KIDINS220: variants seen among roughly 807,000 people sequenced by gnomAD.
KIDINS220 encodes the protein kinase D-interacting substrate of 220 kDa.
KIDINS220 carries 63 observed loss-of-function variants against 157.6 expected under a neutral mutation model. The ratio of observed to expected loss-of-function variants is 0.40; its 90% CI spans 0.33 to 0.49. The LOEUF (loss-of-function observed/expected upper bound fraction) is 0.49, where lower values mean the gene tolerates loss of function less well. Among genes scored for constraint, KIDINS220 ranks in the 20% least tolerant of loss-of-function variants. KIDINS220 has a pLI of 0.66. For synonymous variants in KIDINS220, 732 were observed against 783.6 expected (o/e 0.93, Z 1.10); for missense variants, 1,772 against 2,171.2 (o/e 0.82, Z 3.65).
chr2:8,768,526 CCAG>C (rs1669765679), intron 22 of KIDINS220, among the ~76,000 whole-genome samples: 1 of 152,028 alleles, frequency 6.6e-6, no homozygotes, highest in Non-Finnish European at 1.5e-5. Context: ...CTGAATAAAG[CCAG>C]CAGATGTGTC....
intron 9 of KIDINS220, among the ~76,000 whole-genome samples, chr2:8,799,862 G>A (rs776849300): frequency 3.0e-4 from 45 of 152,156 alleles, no homozygotes; most frequent in Non-Finnish European, 5.4e-4. Context: ...TCACAACTGT[G>A]GGCAAGGCTT....
At position 8,731,272 on chromosome 2, in the gene KIDINS220, C is replaced by T. The variant is rs1480742100; in HGVS notation, c.4764G>A (p.Val1588=). The T allele has an allele frequency of 6.2e-7, 1 of 1,614,094 alleles. No homozygotes were observed. The highest frequency in any genetic ancestry group is 1.7e-5 in the Admixed American group (1 of 60,024). Residue 1588 remains valine (V), a synonymous_variant, in exon 30 of 30, where the codon GTG becomes GTA. Coordinates refer to ENST00000256707, the MANE Select transcript of KIDINS220 (RefSeq NM_020738.4). The surrounding 1 kb of genome is among the most constrained non-coding windows in gnomAD (Gnocchi z 5.2). ...GATTGGGAGAACTTTCACTGGATCTCACTCCTGAATCCGATGAATCCTTTT... is the reference window on the plus strand; with the variant it reads ...GATTGGGAGAACTTTCACTGGATCTTACTCCTGAATCCGATGAATCCTTTT... The part of the protein sequence containing the change: ...LDKKDSSDSG[V]RSSESSPNHS...
Position 8,728,963 on chromosome 2 carries a change from T to C in KIDINS220, c.*1757A>G, listed in dbSNP as rs779525881. ...ATTTTTTATTGTTTTCTAAATCTAT[T>C]TGTACACTTAATATGCTAGTATTAA... On this transcript the variant is annotated 3_prime_UTR_variant, in exon 30 of 30. Coordinates refer to ENST00000256707, the MANE Select transcript of KIDINS220 (RefSeq NM_020738.4). 1.4e-5 allele frequency: 14 copies of C among 979,082 alleles called. No homozygotes were observed. The highest frequency in any genetic ancestry group is 1.7e-5 in the Non-Finnish European group (14 of 823,684). The allele number at this position is 979,082 out of a possible 1,614,324, so 60.6% of individuals were successfully genotyped here.
intron 1 of KIDINS220, among the ~76,000 whole-genome samples, chr2:8,836,150 T>C (rs1448078216): frequency 1.3e-5 from 2 of 151,180 alleles, no homozygotes; most frequent in South Asian, 2.1e-4. Flanking sequence ...AGAAAACAGG[T>C]GGAAGATGAC....
In KIDINS220 at chr2:8,812,406, A is replaced by T. The variant is rs376274980; in HGVS notation, c.493T>A (p.Cys165Ser). Residue 165 changes from cysteine (C) to serine (S), a missense_variant, in exon 6 of 30, where the codon TGC (cysteine) becomes AGC (serine). Physicochemically the swap from Cys to Ser is moderately radical, Grantham distance 112. This residue lies in a region of KIDINS220 where 254 missense variants were observed against 268.6 expected (regional missense o/e 0.95). Transcript: ENST00000256707. The part of the protein sequence containing the change: ...LLLQNGAKVN[C>S]SDKYGTTPLV... Reference sequence around the variant, plus strand: ...TGCTGCTGACCTACCTTATCAGAGCAGTTGACTTTAGCACCATTTTGCAGT... The same window carrying T: ...TGCTGCTGACCTACCTTATCAGAGCTGTTGACTTTAGCACCATTTTGCAGT... 23 of 1,593,006 alleles carry T rather than the reference A, an allele frequency of 1.4e-5. No homozygotes were observed. The highest frequency in any genetic ancestry group is 2.0e-5 in the Non-Finnish European group (23 of 1,168,044).
chr2:8,758,986 C>T (rs964209341), intron 22 of KIDINS220, among the ~76,000 whole-genome samples: 3 of 152,152 alleles, frequency 2.0e-5, no homozygotes, highest in Non-Finnish European at 4.4e-5. Flanking sequence ...CATCTATGCT[C>T]GTGTGGTGGT....
chr2:8,754,177 G>A (rs1455824487), intron 22 of KIDINS220, among the ~76,000 whole-genome samples: 1 of 152,140 alleles, frequency 6.6e-6, no homozygotes. Context: ...CAAATTAACT[G>A]CATTTTAATG....
At chr2:8,815,266 T>C (rs560005535) in intron 4 of KIDINS220, among the ~76,000 whole-genome samples, 2 of 148,394 alleles carry the variant, frequency 1.3e-5, no homozygotes, top group South Asian at 4.2e-4. Flanking sequence ...CCAGCCACGG[T>C]GGTGTGTGTC....
At chr2:8,798,727 T>C (rs1674299105) in intron 9 of KIDINS220, among the ~76,000 whole-genome samples, 1 of 152,200 alleles carries the variant, frequency 6.6e-6, no homozygotes. Flanking sequence ...TAAGGCATTA[T>C]CATTTTTAGC....
intron 27 of KIDINS220, among the ~76,000 whole-genome samples, chr2:8,736,598 T>C (rs527487232): frequency 6.6e-6 from 1 of 152,354 alleles, no homozygotes; most frequent in East Asian, 1.9e-4. Context: ...TTTCTCTTTC[T>C]CATCAAGGCA....
intron 27 of KIDINS220, among the ~76,000 whole-genome samples, chr2:8,735,185 C>T (rs1017120602): frequency 3.9e-5 from 6 of 152,132 alleles, no homozygotes; most frequent in Non-Finnish European, 7.3e-5. Flanking sequence ...CTTGTTTATC[C>T]GTTATATTAG....
chr2:8,788,398 A>T (rs1261920300), intron 15 of KIDINS220, among the ~76,000 whole-genome samples: 5 of 151,812 alleles, frequency 3.3e-5, no homozygotes, highest in African/African-American at 1.2e-4. Context: ...CCTTCCAAGT[A>T]GCTAGGACTA....
intron 7 of KIDINS220, 44 bp from the exon 8 acceptor site, chr2:8,803,171 G>A (rs770500193): frequency 1.2e-5 from 17 of 1,409,888 alleles, no homozygotes; most frequent in Non-Finnish European, 1.6e-5. Context: ...GCAAGCCCAA[G>A]AAATTAATGT....
intron 18 of KIDINS220, among the ~76,000 whole-genome samples, 159 bp from the exon 19 acceptor site, chr2:8,779,298 A>G (rs1671384009): frequency 6.6e-6 from 1 of 152,258 alleles, no homozygotes; most frequent in African/African-American, 2.4e-5. Context: ...TTTTACTGAC[A>G]GCTCAATCTA....
intron 1 of KIDINS220, among the ~76,000 whole-genome samples, chr2:8,833,384 A>G (rs1197583429): frequency 6.6e-6 from 1 of 152,046 alleles, no homozygotes; most frequent in Non-Finnish European, 1.5e-5. Context: ...GTTGATTCTC[A>G]TAACCTGGAT....
intron 1 of KIDINS220, among the ~76,000 whole-genome samples, chr2:8,836,298 G>A (rs1680383719): frequency 6.6e-6 from 1 of 152,090 alleles, no homozygotes; most frequent in African/African-American, 2.4e-5. Context: ...TGGGGCTTTG[G>A]CCAGGCTGAA....
chr2:8,820,554 A>T (rs1367410663), intron 2 of KIDINS220, among the ~76,000 whole-genome samples: 1 of 152,264 alleles, frequency 6.6e-6, no homozygotes, highest in Non-Finnish European at 1.5e-5. Context: ...TTTAAAGTTC[A>T]AGTATCGGTC....
intron 21 of KIDINS220, among the ~76,000 whole-genome samples, chr2:8,772,854 C>T (rs537029311): frequency 5.3e-5 from 8 of 152,038 alleles, no homozygotes; most frequent in South Asian, 2.1e-4. Context: ...TGGTGTTGGG[C>T]GGGTAACATA....
At chr2:8,818,840 T>A (rs746705587) in intron 2 of KIDINS220, 47 bp from the exon 3 acceptor site, 1 of 1,014,160 alleles carries the variant, frequency 9.9e-7, no homozygotes, top group Admixed American at 2.2e-5. Context: ...TACTGCACTT[T>A]TACTAAAACA....
Sources: allele counts gnomAD v4.1 joint callset (sites outside exome capture counted in the v4.1 genomes callset), GRCh38; gene constraint gnomAD v4.1.1; regional missense constraint gnomAD v4.1.1; non-coding constraint Gnocchi (gnomAD v3.1); transcripts MANE v1.5; gene names NCBI Gene and HGNC (gene_info 2026-07-23, HGNC 2026-07-21).